Variants in DPP10 observed in about 807,000 individuals in gnomAD.
DPP10 encodes dipeptidyl peptidase like 10, also known as inactive dipeptidyl peptidase 10.
In DPP10, 33 loss-of-function variants were observed where a neutral mutation model predicts 120.9. That is an observed-to-expected ratio of 0.27 (90% CI 0.21 to 0.37). DPP10 has a LOEUF of 0.37. DPP10 is among the 10% of genes least tolerant of loss of function. DPP10 has a pLI of 1.00. For synonymous variants in DPP10, 337 were observed against 326.1 expected, an observed-to-expected ratio of 1.03 and a Z score of -0.36; for missense variants, 816 against 942.8, an observed-to-expected ratio of 0.87 and a Z score of 1.76.
chr2:115,095,679 A>G (rs1338694645), intron 1 of DPP10, among the ~76,000 whole-genome samples: 1 of 151,564 alleles, frequency 6.6e-6, no homozygotes, highest in Non-Finnish European at 1.5e-5. Context: ...ACTTGGGTTC[A>G]AACAGAAATT....
chr2:114,984,756 A>G (rs982602834), intron 1 of DPP10, among the ~76,000 whole-genome samples: 1 of 152,200 alleles, frequency 6.6e-6, no homozygotes, highest in African/African-American at 2.4e-5. Flanking sequence ...CTACTGTGAT[A>G]TCAGAGCCTT....
At chr2:114,554,440 G>A (rs1371663341) in intron 1 of DPP10, among the ~76,000 whole-genome samples, 6 of 152,192 alleles carry the variant, frequency 3.9e-5, no homozygotes, top group Non-Finnish European at 8.8e-5. Flanking sequence ...TTTCATTTGT[G>A]AAGTCAGTGT....
intron 5 of DPP10, among the ~76,000 whole-genome samples, chr2:115,575,933 A>C (rs1474397613): frequency 1.3e-5 from 2 of 152,222 alleles, no homozygotes; most frequent in Admixed American, 1.3e-4. Flanking sequence ...GCAACAAAAC[A>C]TAGACCTCAG....
intron 19 of DPP10, among the ~76,000 whole-genome samples, chr2:115,802,806 T>A (rs1326709718): frequency 6.6e-6 from 1 of 152,192 alleles, no homozygotes; most frequent in Non-Finnish European, 1.5e-5. Context: ...TAGTTTGTTA[T>A]AATTTCTGTT....
intron 1 of DPP10, among the ~76,000 whole-genome samples, chr2:114,844,688 G>A (rs902327221): frequency 8.6e-5 from 13 of 151,548 alleles, no homozygotes; most frequent in African/African-American, 2.9e-4. Context: ...CTTTCCCTAT[G>A]ATCTCTCTTT....
intron 5 of DPP10, among the ~76,000 whole-genome samples, chr2:115,681,563 G>C (rs552493753): frequency 2.0e-5 from 3 of 151,792 alleles, no homozygotes; most frequent in Non-Finnish European, 4.4e-5. Context: ...TTAGCCTCAG[G>C]TAATAACCAA....
At chr2:115,051,980 G>A (rs1434224799) in intron 1 of DPP10, among the ~76,000 whole-genome samples, 1 of 152,170 alleles carries the variant, frequency 6.6e-6, no homozygotes. Context: ...TGTAAAAGCT[G>A]AGAAAATAAA....
At chr2:115,531,074 A>G (rs1308601044) in intron 5 of DPP10, among the ~76,000 whole-genome samples, 1 of 151,994 alleles carries the variant, frequency 6.6e-6, no homozygotes, top group Non-Finnish European at 1.5e-5. Context: ...TTAACACACA[A>G]CAGTAGTTGG....
chr2:115,739,870 G>A lies in DPP10; in HGVS notation c.829G>A (p.Gly277Arg). The A allele has an allele frequency of 1.2e-6, 2 of 1,613,296 alleles. No individual in the cohort carries two copies. Among genetic ancestry groups the A allele is most frequent in the Non-Finnish European group, 1.7e-6 (2 of 1,179,348 alleles). ...PRFTGALYPK[G>R]KQYPYPKAGQ... ...GTTTACTGGAGCGTTGTATCCCAAA[G>A]GAAAGCAGTATCCGTATCCTAAGGT... Residue 277 changes from glycine (G) to arginine (R), a missense_variant, in exon 9 of 26, where the codon GGA (glycine) becomes AGA (arginine). Physicochemically the swap from Gly to Arg is moderately radical, Grantham distance 125. Coordinates refer to ENST00000410059, the MANE Select transcript of DPP10 (RefSeq NM_020868.6).
At chr2:115,762,482 A>T in intron 11 of DPP10, 90 bp from the exon 12 acceptor site, 1 of 1,392,870 alleles carries the variant, frequency 7.2e-7, no homozygotes, top group Non-Finnish European at 1.0e-6. Context: ...AGAGGGAAAA[A>T]AAACTGATAA....
chr2:115,233,626 TC>T (rs1011404287), intron 1 of DPP10, among the ~76,000 whole-genome samples: 2 of 152,142 alleles, frequency 1.3e-5, no homozygotes, highest in African/African-American at 4.8e-5. Context: ...GGATAGTTTT[TC>T]TTAGGGACTC....
chr2:115,705,989 G>T (rs1274378987), intron 7 of DPP10, among the ~76,000 whole-genome samples: 8 of 151,196 alleles, frequency 5.3e-5, no homozygotes, highest in Admixed American at 5.3e-4. Context: ...GGGTTTAATG[G>T]GGGGGAAAAA....
rs561813201 is a variant in DPP10 at position 115,006,181 on chromosome 2, A to G, written c.61-303058A>G. On this transcript the variant is annotated intron_variant, in intron 1 of 25. Transcript: ENST00000410059. ...CAAGCAAATGCTGAGAGATTTTGTCACCACCAGGCCTGCCCTAAAAGAGCT... is the reference window on the plus strand; with the variant it reads ...CAAGCAAATGCTGAGAGATTTTGTCGCCACCAGGCCTGCCCTAAAAGAGCT... Among the ~76,000 whole-genome samples the G allele has an allele frequency of 2.6e-3, 402 of 152,244 alleles. 1 individual carries two copies. The highest frequency in any genetic ancestry group is 9.1e-3 in the African/African-American group (379 of 41,564).
intron 1 of DPP10, among the ~76,000 whole-genome samples, chr2:114,714,063 ATTTGTG>A (rs1447888193): frequency 1.2e-4 from 15 of 126,472 alleles, no homozygotes; most frequent in African/African-American, 4.2e-4. Context: ...TCCTGAGTGG[ATTTGTG>A]TTTGTGTGTG....
At chr2:115,054,754 T>C (rs996237542) in intron 1 of DPP10, among the ~76,000 whole-genome samples, 2 of 151,910 alleles carry the variant, frequency 1.3e-5, no homozygotes, top group African/African-American at 4.8e-5. Context: ...CTACTAAAAA[T>C]ACAAAAATTA....
chr2:115,723,530 T>C (rs2092694337), intron 7 of DPP10, among the ~76,000 whole-genome samples: 1 of 152,132 alleles, frequency 6.6e-6, no homozygotes, highest in Admixed American at 6.5e-5. Context: ...CGAAGAGTTT[T>C]CACTTTGACT....
intron 1 of DPP10, among the ~76,000 whole-genome samples, chr2:114,533,590 C>A (rs1311078119): frequency 6.6e-6 from 1 of 151,696 alleles, no homozygotes; most frequent in Non-Finnish European, 1.5e-5. Context: ...AACAAACCTG[C>A]ACATCCTGCC....
At chr2:115,468,325 C>T (rs542650886) in intron 3 of DPP10, 293 of 514,442 alleles carry the variant, frequency 5.7e-4, no homozygotes, top group Admixed American at 5.5e-3. Context: ...AAGTTTGCTG[C>T]TGCCACTGGA....
At chr2:115,506,064 G>A (rs17044588) in intron 4 of DPP10, among the ~76,000 whole-genome samples, 32,192 of 151,592 alleles carry the variant, frequency 0.21, 3,929 homozygotes, top group East Asian at 0.39. Flanking sequence ...ATACATTTTC[G>A]AGAAACTTTT....
Sources: allele counts gnomAD v4.1 joint callset (sites outside exome capture counted in the v4.1 genomes callset), GRCh38; gene constraint gnomAD v4.1.1; transcripts MANE v1.5; gene names NCBI Gene and HGNC (gene_info 2026-07-23, HGNC 2026-07-21).